ROBO2: variants seen among roughly 807,000 people sequenced by gnomAD.
The protein encoded by ROBO2 is roundabout guidance receptor 2, also known as roundabout homolog 2.
In ROBO2, 53 loss-of-function variants were observed where a neutral mutation model predicts 160.8. The observed-to-expected ratio is 0.33, with a 90% confidence interval of 0.26 to 0.41. The LOEUF (loss-of-function observed/expected upper bound fraction) is 0.41. ROBO2 is among the 10% of genes least tolerant of loss of function. The pLI is 1.00. For synonymous variants in ROBO2, 664 were observed against 611.7 expected, an observed-to-expected ratio of 1.09 and a Z score of -1.26; for missense variants, 1,577 against 1,722.4, an observed-to-expected ratio of 0.92 and a Z score of 1.49.
At chr3:77,630,544 A>T (rs1005620116) in intron 23 of ROBO2, 1 of 145,978 alleles carries the variant, frequency 6.9e-6, no homozygotes, top group Non-Finnish European at 1.5e-5. Context: ...TTCGAGATGA[A>T]ATTTGGGTGG....
chr3:77,585,672 T>C (rs1476430610), intron 16 of ROBO2, among the ~76,000 whole-genome samples: 1 of 152,064 alleles, frequency 6.6e-6, no homozygotes, highest in Non-Finnish European at 1.5e-5. Flanking sequence ...CTATTTGTTC[T>C]TCAGAGATTT....
chr3:76,470,288 T>C (rs2078587518), intron 2 of ROBO2, among the ~76,000 whole-genome samples: 1 of 152,212 alleles, frequency 6.6e-6, no homozygotes, highest in Non-Finnish European at 1.5e-5. Context: ...AGCAGATCTC[T>C]CTAAAGCTTA....
chr3:77,139,256 A>T (rs1329053172), intron 2 of ROBO2, among the ~76,000 whole-genome samples: 1 of 152,212 alleles, frequency 6.6e-6, no homozygotes, highest in African/African-American at 2.4e-5. Context: ...ATTTTATACA[A>T]GTAATTTTCT....
At chr3:76,166,931 T>G (rs538231198) in intron 2 of ROBO2, among the ~76,000 whole-genome samples, 1 of 152,104 alleles carries the variant, frequency 6.6e-6, no homozygotes, top group African/African-American at 2.4e-5. Flanking sequence ...CAAATTACAC[T>G]TGAGTTTTTG....
At chr3:76,691,513 A>G (rs1263558821) in intron 2 of ROBO2, among the ~76,000 whole-genome samples, 1 of 152,166 alleles carries the variant, frequency 6.6e-6, no homozygotes, top group Non-Finnish European at 1.5e-5. Context: ...TGAAGATATT[A>G]ATGAGCGGAA....
intron 2 of ROBO2, among the ~76,000 whole-genome samples, chr3:76,556,836 T>G (rs2083823691): frequency 6.6e-6 from 1 of 152,102 alleles, no homozygotes; most frequent in African/African-American, 2.4e-5. Context: ...AAATAAGTTG[T>G]ACAACAGCCT....
At position 76,348,453 on chromosome 3, in the gene ROBO2, G is replaced by A. The variant is rs554052410; in HGVS notation, c.109+410851G>A. 1.8e-4 allele frequency among the ~76,000 whole-genome samples: 28 copies of A among 152,218 alleles called. 1 individual carries two copies. Among genetic ancestry groups the A allele is most frequent in the South Asian group, 4.1e-4 (2 of 4,826 alleles). On this transcript the variant is annotated intron_variant, in intron 2 of 26. Coordinates refer to the ROBO2 transcript ENST00000487694. ...GTGCAGAAATTGGCATGACCTCAGC[G>A]TCGCCACACAGAAACAAGTGAAGAC...
intron 2 of ROBO2, among the ~76,000 whole-genome samples, chr3:76,135,525 A>G (rs1202245479): frequency 3.9e-5 from 6 of 152,150 alleles, no homozygotes. Flanking sequence ...CACTCAACAT[A>G]TAATTTTGTT....
At chr3:76,278,382 C>A (rs577150296) in intron 2 of ROBO2, among the ~76,000 whole-genome samples, 1 of 152,006 alleles carries the variant, frequency 6.6e-6, no homozygotes, top group South Asian at 2.1e-4. Context: ...AGGTACATTT[C>A]GGTCTAGATT....
chr3:76,540,490 G>A (rs1015200223), intron 2 of ROBO2, among the ~76,000 whole-genome samples: 1 of 152,120 alleles, frequency 6.6e-6, no homozygotes, highest in Non-Finnish European at 1.5e-5. Context: ...TTCCATTGCA[G>A]AAATACTAGG....
At chr3:77,163,024 C>T (rs2078634428) in intron 2 of ROBO2, among the ~76,000 whole-genome samples, 1 of 151,598 alleles carries the variant, frequency 6.6e-6, no homozygotes, top group Non-Finnish European at 1.5e-5. Context: ...TTAGTAAAGA[C>T]AGGGTTTCAC....
intron 2 of ROBO2, among the ~76,000 whole-genome samples, chr3:76,136,874 G>A (rs915439751): frequency 6.6e-6 from 1 of 152,008 alleles, no homozygotes; most frequent in African/African-American, 2.4e-5. Flanking sequence ...AAATGATCAT[G>A]TACAGAAGTC....
intron 2 of ROBO2, among the ~76,000 whole-genome samples, chr3:76,970,065 A>G (rs923164621): frequency 6.6e-6 from 1 of 152,200 alleles, no homozygotes; most frequent in Non-Finnish European, 1.5e-5. Context: ...TGGGATCACT[A>G]TCATTTTCTT....
intron 2 of ROBO2, among the ~76,000 whole-genome samples, chr3:77,215,191 A>G (rs1468781854): frequency 6.6e-6 from 1 of 152,094 alleles, no homozygotes; most frequent in African/African-American, 2.4e-5. Flanking sequence ...ACTTGGTTCC[A>G]TTCTCCCCGT....
At chr3:76,407,600 G>A (rs2108806170) in intron 2 of ROBO2, among the ~76,000 whole-genome samples, 1 of 151,888 alleles carries the variant, frequency 6.6e-6, no homozygotes, top group Admixed American at 6.6e-5. Flanking sequence ...GAGAGCAATA[G>A]GAAAAAATGT....
intron 2 of ROBO2, among the ~76,000 whole-genome samples, chr3:77,011,797 GCTAT>G (rs916099900): frequency 2.6e-5 from 4 of 151,936 alleles, no homozygotes; most frequent in African/African-American, 7.3e-5. Context: ...ATTATAATGT[GCTAT>G]CTATTTCCTG....
intron 2 of ROBO2, among the ~76,000 whole-genome samples, chr3:77,434,925 C>A (rs910572844): frequency 2.0e-5 from 3 of 151,942 alleles, no homozygotes; most frequent in Admixed American, 1.3e-4. Context: ...ACTTGATCCC[C>A]AAATCATGAA....
intron 2 of ROBO2, among the ~76,000 whole-genome samples, chr3:76,871,774 C>T (rs1286482550): frequency 6.6e-6 from 1 of 152,028 alleles, no homozygotes; most frequent in African/African-American, 2.4e-5. Flanking sequence ...CATGGAAACC[C>T]ACTGGCTGGC....
chr3:76,821,825 G>A (rs1426494762), intron 2 of ROBO2, among the ~76,000 whole-genome samples: 1 of 151,846 alleles, frequency 6.6e-6, no homozygotes, highest in Non-Finnish European at 1.5e-5. Flanking sequence ...ACTATAAATT[G>A]GTCCTTTTTA....
Sources: gnomAD v4.1 joint callset for allele counts (sites outside exome capture counted in the v4.1 genomes callset) on GRCh38, gnomAD v4.1.1 for gene constraint, MANE v1.5 for transcripts, NCBI Gene and HGNC (gene_info 2026-07-23, HGNC 2026-07-21) for gene names.